The following ZNF385D variants were observed in gnomAD, a reference collection of about 807,000 sequenced individuals.
ZNF385D encodes the protein zinc finger protein 659.
A neutral mutation model predicts 35.8 loss-of-function variants in ZNF385D; 15 were observed. The ratio of observed to expected loss-of-function variants is 0.42; its 90% CI spans 0.28 to 0.64. The LOEUF (loss-of-function observed/expected upper bound fraction) is 0.64, where lower values mean the gene tolerates loss of function less well. ZNF385D is among the 30% of genes least tolerant of loss of function. The pLI is 0.23. For synonymous variants in ZNF385D, 212 were observed against 186.8 expected, an observed-to-expected ratio of 1.13 and a Z score of -1.10; for missense variants, 474 against 494.6, an observed-to-expected ratio of 0.96 and a Z score of 0.39.
At chr3:22,103,353 A>T (rs1403986862) in intron 3 of ZNF385D, among the ~76,000 whole-genome samples, 1 of 151,990 alleles carries the variant, frequency 6.6e-6, no homozygotes, top group African/African-American at 2.4e-5. Context: ...TCAATTTTTG[A>T]TAACAAAAAC....
Position 21,986,876 on chromosome 3 carries a change from G to A in ZNF385D, c.325+181941C>T, listed in dbSNP as rs1468543716. Among the ~76,000 whole-genome samples the A allele has an allele frequency of 2.2e-3, 106 of 47,544 alleles. 2 individuals carry two copies. The highest frequency in any genetic ancestry group is 5.6e-3 in the African/African-American group (44 of 7,828). 31.2% of individuals were successfully genotyped at this position (47,544 alleles called of 152,430 possible). A position where few individuals can be genotyped will look rare whatever the true frequency, so the allele number is the denominator to read the frequency against. ...CCTGTATTGGGTGCATATATATTTA[G>A]GATAGTTAGCTCCTCTTGTTGAATT... On this transcript the variant is annotated intron_variant, in intron 3 of 5. Coordinates refer to the ZNF385D transcript ENST00000494108.
intron 3 of ZNF385D, among the ~76,000 whole-genome samples, chr3:22,063,211 A>T (rs973064163): frequency 6.6e-6 from 1 of 152,154 alleles, no homozygotes; most frequent in Non-Finnish European, 1.5e-5. Context: ...AATAATGGGA[A>T]TATTATCTAT....
In ZNF385D at chr3:21,646,878, T is replaced by C. The variant is rs2065767299; in HGVS notation, c.165+18008A>G. 6.6e-6 allele frequency among the ~76,000 whole-genome samples: 1 copy of C among 152,210 alleles called. No homozygotes were observed. Among genetic ancestry groups the C allele is most frequent in the Non-Finnish European group, 1.5e-5 (1 of 68,038 alleles). On this transcript the variant is annotated intron_variant, in intron 2 of 7. Transcript: ENST00000281523. This position sits in a 1 kb window ranked among gnomAD's most constrained non-coding sequence, Gnocchi z 4.3. ...TCCTATCCAGCCCCTCTCTGTCTGA[T>C]GCTAAGGCTCAATGAAATCAAGGCC... is the stretch of plus-strand genomic sequence containing the variant.
At chr3:21,689,731 T>C (rs1191136278) in intron 1 of ZNF385D, among the ~76,000 whole-genome samples, 3 of 152,080 alleles carry the variant, frequency 2.0e-5, no homozygotes, top group Non-Finnish European at 4.4e-5. Flanking sequence ...GTAGGGCTAA[T>C]TACCACACAT....
intron 3 of ZNF385D, among the ~76,000 whole-genome samples, chr3:22,107,554 A>C (rs1252939810): frequency 6.6e-6 from 1 of 152,154 alleles, no homozygotes; most frequent in African/African-American, 2.4e-5. Flanking sequence ...ACCTAACCTG[A>C]GATGACTTCT....
intron 3 of ZNF385D, among the ~76,000 whole-genome samples, chr3:22,038,930 TATA>T (rs1437804007): frequency 1.3e-5 from 2 of 150,154 alleles, no homozygotes; most frequent in East Asian, 3.9e-4. Context: ...ATAACAAAGT[TATA>T]ATAAATATGA....
chr3:21,767,872 G>A (rs1483107971), intron 3 of ZNF385D, among the ~76,000 whole-genome samples: 1 of 152,034 alleles, frequency 6.6e-6, no homozygotes, highest in Non-Finnish European at 1.5e-5. Flanking sequence ...AAGAATGCAT[G>A]TAGTATTTTA....
intron 3 of ZNF385D, among the ~76,000 whole-genome samples, chr3:22,020,684 A>G (rs898251399): frequency 2.0e-5 from 3 of 152,090 alleles, no homozygotes; most frequent in African/African-American, 7.2e-5. Context: ...GTTAGAATGC[A>G]AATTAGTATA....
rs34497539 is a variant in ZNF385D, at chr3:22,244,364, TAAAAAAAAAAAA to T, written c.107-75341_107-75330del. 3.9e-3 allele frequency among the ~76,000 whole-genome samples: 247 copies of T among 62,570 alleles called. 9 individuals are homozygous for T. The highest frequency in any genetic ancestry group is 6.6e-3 in the African/African-American group (127 of 19,230). 41.0% of individuals were successfully genotyped at this position (62,570 alleles called of 152,430 possible). On this transcript the variant is annotated intron_variant, in intron 2 of 5. Transcript: ENST00000494108. ...CAAAGTGATACCAGACAACCGAATG[TAAAAAAAAAAAA>T]AAAAAAAAAAAAAAAATGAAAACAT... is the stretch of plus-strand genomic sequence containing the variant.
intron 3 of ZNF385D, among the ~76,000 whole-genome samples, chr3:22,110,003 A>T (rs1576336688): frequency 1.3e-5 from 2 of 152,208 alleles, no homozygotes; most frequent in Non-Finnish European, 2.9e-5. Flanking sequence ...CTCTCAAAAG[A>T]AGACATTTAT....
chr3:22,305,069 G>C (rs1020109828), intron 2 of ZNF385D, among the ~76,000 whole-genome samples: 1 of 151,786 alleles, frequency 6.6e-6, no homozygotes, highest in African/African-American at 2.4e-5. Context: ...ATCTCATCCA[G>C]TTCTCTTTTA....
In ZNF385D at chr3:21,414,556, T is replaced by C. The variant is rs1575109045; in HGVS notation, c.*6658A>G. On this transcript the variant is annotated 3_prime_UTR_variant, in exon 8 of 8. Coordinates refer to ENST00000281523, the MANE Select transcript of ZNF385D (RefSeq NM_024697.3). ...GCTTAGATTTTGGAGCTATTTTGAG[T>C]AGCAAATGACTTGCTTTTACTAAAT... 6.6e-6 allele frequency: 1 copy of C among 152,114 alleles called. No homozygotes were observed. Among genetic ancestry groups the C allele is most frequent in the African/African-American group, 2.4e-5 (1 of 41,438 alleles). 9.4% of individuals were successfully genotyped at this position (152,114 alleles called of 1,614,324 possible).
At chr3:22,181,153 T>C (rs2125779208) in intron 2 of ZNF385D, among the ~76,000 whole-genome samples, 1 of 152,242 alleles carries the variant, frequency 6.6e-6, no homozygotes, top group East Asian at 1.9e-4. Flanking sequence ...CTTAGATCAA[T>C]GTTTCCTTTT....
At chr3:21,818,607 G>C (rs963636052) in intron 3 of ZNF385D, among the ~76,000 whole-genome samples, 1 of 152,014 alleles carries the variant, frequency 6.6e-6, no homozygotes, top group Non-Finnish European at 1.5e-5. Flanking sequence ...CTACACATTA[G>C]AGCATGGGCG....
chr3:22,314,210 GC>G (rs1703756230), intron 2 of ZNF385D, among the ~76,000 whole-genome samples: 1 of 152,022 alleles, frequency 6.6e-6, no homozygotes, highest in Non-Finnish European at 1.5e-5. Context: ...AGATTTTGGT[GC>G]ACCCACCACC....
At chr3:21,569,609 T>C (rs1425185530) in intron 2 of ZNF385D, among the ~76,000 whole-genome samples, 1 of 151,450 alleles carries the variant, frequency 6.6e-6, no homozygotes, top group African/African-American at 2.4e-5. Flanking sequence ...GTCATTATGA[T>C]GTTAGCTGGT....
intron 3 of ZNF385D, among the ~76,000 whole-genome samples, chr3:21,917,353 AC>A (rs1255593396): frequency 6.6e-6 from 1 of 152,002 alleles, no homozygotes; most frequent in Non-Finnish European, 1.5e-5. Context: ...AATCGCTTGA[AC>A]TCAGGAGGGA....
chr3:22,209,205 A>G (rs1697357606), intron 2 of ZNF385D, among the ~76,000 whole-genome samples: 1 of 151,966 alleles, frequency 6.6e-6, no homozygotes, highest in East Asian at 1.9e-4. Context: ...GAGAGCAGAT[A>G]TGACACATTC....
intron 2 of ZNF385D, among the ~76,000 whole-genome samples, chr3:22,171,965 T>C (rs1694481601): frequency 1.3e-5 from 2 of 151,818 alleles, no homozygotes; most frequent in Admixed American, 6.6e-5. Context: ...GGAGGCAATA[T>C]TCGTAAGCAA....
Sources: gnomAD v4.1 joint callset for allele counts (sites outside exome capture counted in the v4.1 genomes callset) on GRCh38, gnomAD v4.1.1 for gene constraint, Gnocchi (gnomAD v3.1) non-coding constraint, MANE v1.5 for transcripts, NCBI Gene and HGNC (gene_info 2026-07-23, HGNC 2026-07-21) for gene names.